Variants in CNTN5 observed in about 807,000 individuals in gnomAD.
CNTN5 encodes the protein contactin-5.
In CNTN5, 77 loss-of-function variants were observed where a neutral mutation model predicts 129.1. The observed-to-expected ratio is 0.60, with a 90% CI of 0.50 to 0.72. CNTN5 has a LOEUF of 0.72. Among genes scored for constraint, CNTN5 ranks in the 30% least tolerant of loss-of-function variants. CNTN5 has a pLI of 0.00. For missense variants in CNTN5, 1,478 were observed against 1,328.8 expected, an observed-to-expected ratio of 1.11 and a Z score of -1.75; for synonymous variants, 509 against 465.6, an observed-to-expected ratio of 1.09 and a Z score of -1.20.
intron 9 of CNTN5, among the ~76,000 whole-genome samples, chr11:100,010,075 G>T (rs1368745126): frequency 5.3e-5 from 8 of 152,122 alleles, no homozygotes; most frequent in Non-Finnish European, 1.2e-4. Flanking sequence ...TCTTGAAAGG[G>T]ATTGAGAGAT....
intron 6 of CNTN5, among the ~76,000 whole-genome samples, chr11:99,855,756 T>C (rs975306007): frequency 1.3e-5 from 2 of 152,184 alleles, no homozygotes; most frequent in African/African-American, 4.8e-5. Flanking sequence ...TATGTCAAAC[T>C]AGAAAAATTT....
intron 13 of CNTN5, among the ~76,000 whole-genome samples, chr11:100,131,930 G>A (rs1182797424): frequency 1.3e-5 from 2 of 152,034 alleles, no homozygotes; most frequent in African/African-American, 4.8e-5. Flanking sequence ...ATTCAGCTTG[G>A]AAGGGCACTG....
chr11:100,076,260 TTC>T (rs2137900378), intron 13 of CNTN5, among the ~76,000 whole-genome samples: 1 of 152,272 alleles, frequency 6.6e-6, no homozygotes, highest in South Asian at 2.1e-4. Context: ...ACGCAAAACA[TTC>T]TATCTGAAAT....
At chr11:100,071,034 T>G (rs56933323) in intron 11 of CNTN5, among the ~76,000 whole-genome samples, 11,285 of 152,174 alleles carry the variant, frequency 0.074, 536 homozygotes, top group East Asian at 0.2. Context: ...ACAAGACATT[T>G]GGAGGTTTAA....
intron 1 of CNTN5, among the ~76,000 whole-genome samples, chr11:99,177,659 A>G (rs1857843947): frequency 6.6e-6 from 1 of 152,222 alleles, no homozygotes; most frequent in African/African-American, 2.4e-5. Flanking sequence ...TGGTAAGTAC[A>G]TAGTTACGTG....
At chr11:99,362,878 G>A (rs1055860868) in intron 2 of CNTN5, among the ~76,000 whole-genome samples, 1 of 151,188 alleles carries the variant, frequency 6.6e-6, no homozygotes, top group Non-Finnish European at 1.5e-5. Context: ...CTATTCTGTA[G>A]GTCTGTACTT....
chr11:99,853,145 A>T (rs1947926840), intron 6 of CNTN5, among the ~76,000 whole-genome samples: 1 of 152,132 alleles, frequency 6.6e-6, no homozygotes, highest in Non-Finnish European at 1.5e-5. Context: ...CTGAGGGACA[A>T]GTCAGAACAG....
At chr11:100,107,518 A>G (rs1213480780) in intron 13 of CNTN5, among the ~76,000 whole-genome samples, 1 of 147,476 alleles carries the variant, frequency 6.8e-6, no homozygotes, top group African/African-American at 2.5e-5. Context: ...AAGTCTAAAC[A>G]TCTCAGTGGT....
chr11:99,998,483 C>A (rs1390856908), intron 8 of CNTN5, among the ~76,000 whole-genome samples: 3 of 131,580 alleles, frequency 2.3e-5, no homozygotes, highest in South Asian at 2.7e-4. Flanking sequence ...GAACTACAAA[C>A]CACTGCTCAA....
At chr11:100,015,185 G>C (rs1003845901) in intron 9 of CNTN5, among the ~76,000 whole-genome samples, 2 of 152,106 alleles carry the variant, frequency 1.3e-5, no homozygotes, top group African/African-American at 2.4e-5. Flanking sequence ...AAACGTATAA[G>C]CCTGAGACTA....
chr11:100,047,323 C>G (rs576669614), intron 9 of CNTN5, among the ~76,000 whole-genome samples: 1 of 151,944 alleles, frequency 6.6e-6, no homozygotes, highest in South Asian at 2.1e-4. Flanking sequence ...TAATCTAGTT[C>G]TAAAATAAAG....
rs867114266 is a variant in CNTN5 at position 99,742,374 on chromosome 11, G to A, written c.56-77170G>A. 1.4e-3 allele frequency among the ~76,000 whole-genome samples: 194 copies of A among 140,454 alleles called. 1 individual carries two copies. The highest frequency in any genetic ancestry group is 4.4e-3 in the African/African-American group (165 of 37,240). The allele number at this position is 140,454 out of a possible 152,430, so 92.1% of individuals were successfully genotyped here. A position where few individuals can be genotyped will look rare whatever the true frequency, so the allele number is the denominator to read the frequency against. On this transcript the variant is annotated intron_variant, in intron 3 of 24. Coordinates refer to ENST00000524871, the MANE Select transcript of CNTN5 (RefSeq NM_014361.4). Reference sequence around the variant, plus strand: ...AGTTACATCAGATTGTACTTAACACGTAAGATTTTCTAATAAGACTGGAAT... The same window carrying A: ...AGTTACATCAGATTGTACTTAACACATAAGATTTTCTAATAAGACTGGAAT...
intron 2 of CNTN5, among the ~76,000 whole-genome samples, chr11:99,452,065 C>T (rs1944323096): frequency 1.3e-5 from 2 of 151,986 alleles, no homozygotes; most frequent in South Asian, 4.1e-4. Context: ...TTTCATAGAA[C>T]TTTAGAACCC....
chr11:99,541,091 A>C (rs1494465), intron 2 of CNTN5, among the ~76,000 whole-genome samples: 149,854 of 152,244 alleles, frequency 0.98, 73,803 homozygotes, highest in East Asian at 1. Context: ...CCAACCCTAT[A>C]TGAAGAATCG....
At chr11:99,431,448 G>A (rs189492811) in intron 2 of CNTN5, among the ~76,000 whole-genome samples, 1 of 152,114 alleles carries the variant, frequency 6.6e-6, no homozygotes, top group Non-Finnish European at 1.5e-5. Flanking sequence ...ATGGAAATGA[G>A]TAAAATTCTA....
chr11:99,612,077 G>A (rs1364233112), intron 3 of CNTN5, among the ~76,000 whole-genome samples: 3 of 152,202 alleles, frequency 2.0e-5, no homozygotes, highest in African/African-American at 4.8e-5. Flanking sequence ...CAACTGATAT[G>A]TAGGAGGCAC....
In CNTN5 at chr11:99,916,155, G is replaced by A; in HGVS notation, c.673+6G>A. Reference sequence around the variant, plus strand: ...TCCTCCGCCACATTCACCAGGTACAGTAGGATCTCATTCTTTGCTGCTGCT... The same window carrying A: ...TCCTCCGCCACATTCACCAGGTACAATAGGATCTCATTCTTTGCTGCTGCT... On this transcript the variant is annotated splice_donor_region_variant and intron_variant, in intron 7 of 24. Transcript: ENST00000524871. The A allele has an allele frequency of 6.2e-7, 1 of 1,607,358 alleles. No individual in the cohort carries two copies. The highest frequency in any genetic ancestry group is 8.5e-7 in the Non-Finnish European group (1 of 1,175,546).
chr11:99,273,090 A>G (rs560862782), intron 1 of CNTN5, among the ~76,000 whole-genome samples: 129 of 151,892 alleles, frequency 8.5e-4, no homozygotes, highest in Admixed American at 3.9e-3. Context: ...TTAGAGTGTC[A>G]CGGAAAGAAA....
At chr11:99,348,885 G>A (rs1938094378) in intron 2 of CNTN5, among the ~76,000 whole-genome samples, 1 of 152,160 alleles carries the variant, frequency 6.6e-6, no homozygotes, top group African/African-American at 2.4e-5. Flanking sequence ...TTCAATCATT[G>A]ATACGTGCAT....
Sources: allele counts gnomAD v4.1 joint callset (sites outside exome capture counted in the v4.1 genomes callset), GRCh38; gene constraint gnomAD v4.1.1; transcripts MANE v1.5; gene names NCBI Gene and HGNC (gene_info 2026-07-23, HGNC 2026-07-21).